Variants in TTC22 observed in about 807,000 individuals in gnomAD.
TTC22 encodes tetratricopeptide repeat domain 22, also known as tetratricopeptide repeat protein 22.
A neutral mutation model predicts 48.2 loss-of-function variants in TTC22; 42 were observed. The ratio of observed to expected loss-of-function variants is 0.87; its 90% CI spans 0.68 to 1.13. TTC22 has a LOEUF of 1.13. Ranked by LOEUF, TTC22 falls within the 50% of genes most tolerant of loss-of-function variation. The pLI is 0.00. For missense variants in TTC22, 784 were observed against 807.0 expected, an observed-to-expected ratio of 0.97 and a Z score of 0.34; for synonymous variants, 345 against 365.5, an observed-to-expected ratio of 0.94 and a Z score of 0.64.
intron 1 of TTC22, 99 bp downstream of exon 1, chr1:54,800,496 TGA>T (rs1646424593): frequency 9.2e-7 from 1 of 1,088,746 alleles, no homozygotes; most frequent in Non-Finnish European, 1.2e-6. Context: ...AGACCATGGT[TGA>T]GAGAGAGTCA....
intron 1 of TTC22, among the ~76,000 whole-genome samples, chr1:54,791,510 G>T (rs961260607): frequency 8.5e-5 from 13 of 152,122 alleles, no homozygotes; most frequent in Admixed American, 7.2e-4. Context: ...CTTTTTCCTG[G>T]TCTGGGTAGA....
chr1:54,786,256 G>T, intron 4 of TTC22, 112 bp from the exon 5 acceptor site: 1 of 1,020,514 alleles, frequency 9.8e-7, no homozygotes, highest in Non-Finnish European at 1.5e-6. Context: ...GTATCAACAT[G>T]GTGCCCTTTA....
chr1:54,783,029 C>A (rs2270003), intron 5 of TTC22, among the ~76,000 whole-genome samples: 46,667 of 152,028 alleles, frequency 0.31, 7,686 homozygotes, highest in East Asian at 0.6. Context: ...GCCCCAACTG[C>A]CAAGCATCAC....
chr1:54,784,338 G>A (rs192318426), intron 5 of TTC22, among the ~76,000 whole-genome samples: 123 of 152,332 alleles, frequency 8.1e-4, no homozygotes, highest in African/African-American at 2.9e-3. Context: ...AGTAGTAAGT[G>A]TGACCTCTGG....
chr1:54,800,730 C>A lies in TTC22; in HGVS notation c.434G>T (p.Arg145Leu). Reference protein sequence around the residue: ...EPEAAGDPQLRAARCLAEQGY... With the variant: ...EPEAAGDPQLLAARCLAEQGY... ...CTGCTCGGCCAGGCAGCGAGCGGCG[C>A]GGAGCTGGGGGTCCCCGGCGGCCTC... Residue 145 changes from arginine to leucine, a missense_variant, in exon 1 of 7, where the codon CGC becomes CTC. Physicochemically the swap from Arg to Leu is moderately radical, Grantham distance 102. Transcript: ENST00000371276. 2 of 1,544,680 alleles carry A rather than the reference C, an allele frequency of 1.3e-6. No individual in the cohort carries two copies. The highest frequency in any genetic ancestry group is 1.2e-5 in the South Asian group (1 of 84,518).
At chr1:54,786,768 T>A (rs958097219) in intron 4 of TTC22, 189 bp downstream of exon 4, 10 of 414,388 alleles carry the variant, frequency 2.4e-5, no homozygotes, top group Non-Finnish European at 3.8e-5. Context: ...GGGGCCAGAC[T>A]GGGTATGGGG....
chr1:54,794,157 G>T (rs1646373330), intron 1 of TTC22, among the ~76,000 whole-genome samples: 1 of 152,180 alleles, frequency 6.6e-6, no homozygotes, highest in Non-Finnish European at 1.5e-5. Context: ...TGGGCTAGAA[G>T]ATTTGTCTCT....
At chr1:54,790,451 C>G (rs1274566630) in intron 1 of TTC22, among the ~76,000 whole-genome samples, 1 of 152,216 alleles carries the variant, frequency 6.6e-6, no homozygotes, top group African/African-American at 2.4e-5. Flanking sequence ...TTTGTATCAC[C>G]TTGAAAGGTA....
At chr1:54,791,185 C>A (rs1033467481) in intron 1 of TTC22, among the ~76,000 whole-genome samples, 1 of 152,194 alleles carries the variant, frequency 6.6e-6, no homozygotes, top group Non-Finnish European at 1.5e-5. Flanking sequence ...TGTGAGCAAT[C>A]CCATGACCTC....
chr1:54,784,440 G>T, intron 5 of TTC22: 2 of 566,702 alleles, frequency 3.5e-6, no homozygotes, highest in Non-Finnish European at 4.5e-6. Flanking sequence ...GCAGTTCCTT[G>T]GGGAAGTTCC....
intron 1 of TTC22, among the ~76,000 whole-genome samples, chr1:54,792,550 C>T (rs1218253685): frequency 6.6e-6 from 1 of 152,184 alleles, no homozygotes; most frequent in Non-Finnish European, 1.5e-5. Context: ...TCTCCTGCCT[C>T]AGCCTCCCGA....
At chr1:54,796,310 G>T (rs574214523) in intron 1 of TTC22, among the ~76,000 whole-genome samples, 1 of 152,388 alleles carries the variant, frequency 6.6e-6, no homozygotes, top group East Asian at 1.9e-4. Context: ...TGATGGATTG[G>T]AATGCCCACA....
chr1:54,786,985 C>A lies in TTC22; in HGVS notation c.830G>T (p.Gly277Val). The A allele has an allele frequency of 6.4e-7, 1 of 1,557,536 alleles. No individual in the cohort carries two copies. Among genetic ancestry groups the A allele is most frequent in the Non-Finnish European group, 8.7e-7 (1 of 1,152,260 alleles). ...PMGVHDCGYS[G>V]TDPLDCFGKA... ...GCCGAAGCAGTCTAGAGGGTCGGTC[C>A]CTGAGTACCCGCAGTCATGGACGCC... is the stretch of plus-strand genomic sequence containing the variant. Residue 277 changes from glycine to valine, a missense_variant, in exon 4 of 7, where the codon GGG (glycine) becomes GTG (valine). By Grantham distance (109) the Gly-to-Val change is moderately radical. Transcript: ENST00000371276.
At chr1:54,786,245 C>T (rs751910330) in intron 4 of TTC22, 101 bp from the exon 5 acceptor site, 24 of 1,106,016 alleles carry the variant, frequency 2.2e-5, no homozygotes, top group African/African-American at 1.6e-4. Flanking sequence ...TGGATACAGC[C>T]GTATCAACAT....
chr1:54,783,266 CG>C (rs1205056964), intron 5 of TTC22, among the ~76,000 whole-genome samples: 1 of 152,178 alleles, frequency 6.6e-6, no homozygotes, highest in African/African-American at 2.4e-5. Context: ...CTCTGGCTTT[CG>C]GGTCAGTTGG....
Position 54,786,071 on chromosome 1 carries a change from T to C in TTC22, c.932A>G (p.Gln311Arg). ...LAKIFYFLGKQDMAIGTCNMA... is the reference protein window; with the variant it reads ...LAKIFYFLGKRDMAIGTCNMA... Reference sequence around the variant, plus strand: ...GTTGCAGGTTCCAATGGCCATATCCTGCTTTCCCAGGAAGTAGAAGATTTT... The same window carrying C: ...GTTGCAGGTTCCAATGGCCATATCCCGCTTTCCCAGGAAGTAGAAGATTTT... Residue 311 changes from glutamine (Q) to arginine (R), a missense_variant, in exon 5 of 7, where the codon CAG becomes CGG. Transcript: ENST00000371276. The C allele has an allele frequency of 2.5e-6, 4 of 1,614,140 alleles. No homozygotes were observed. Among genetic ancestry groups the C allele is most frequent in the Non-Finnish European group, 3.4e-6 (4 of 1,180,000 alleles).
intron 1 of TTC22, among the ~76,000 whole-genome samples, chr1:54,789,260 G>T (rs930803325): frequency 2.0e-5 from 3 of 152,236 alleles, no homozygotes; most frequent in Non-Finnish European, 4.4e-5. Context: ...CAGAGGAAGT[G>T]TGGGGGATGG....
chr1:54,799,118 C>T (rs553886285), intron 1 of TTC22, among the ~76,000 whole-genome samples: 1 of 152,342 alleles, frequency 6.6e-6, no homozygotes, highest in African/African-American at 2.4e-5. Flanking sequence ...AGGGGGCTGA[C>T]CACAGCTGCT....
In TTC22 at chr1:54,800,908, G is replaced by T. The variant is rs758444786; in HGVS notation, c.256C>A (p.Arg86Ser). 1.9e-6 allele frequency: 3 copies of T among 1,609,870 alleles called. No individual in the cohort carries two copies. The Admixed American group carries it at 5.0e-5, about 27-fold the overall frequency. The part of the protein sequence containing the change: ...AFYLEELDEA[R>S]ECFLEVAHEH... ...TGGGCCACCTCGAGGAAGCACTCGC[G>T]GGCCTCGTCCAGCTCCTCCAGGTAG... Residue 86 changes from arginine (R) to serine (S), a missense_variant, in exon 1 of 7, where the codon CGC becomes AGC. Arg to Ser is a moderately radical substitution (Grantham distance 110, BLOSUM62 -1). Transcript: ENST00000371276.
Sources: allele counts gnomAD v4.1 joint callset (sites outside exome capture counted in the v4.1 genomes callset), GRCh38; gene constraint gnomAD v4.1.1; transcripts MANE v1.5; gene names NCBI Gene and HGNC (gene_info 2026-07-23, HGNC 2026-07-21).